Variants in MAP4K3 observed in about 807,000 individuals in gnomAD.
The protein encoded by MAP4K3 is mitogen-activated protein kinase kinase kinase kinase 3.
A neutral mutation model predicts 143.5 loss-of-function variants in MAP4K3; 94 were observed. That is an observed-to-expected ratio of 0.65 (90% CI 0.55 to 0.78). MAP4K3 has a LOEUF of 0.78. Ranked by LOEUF, MAP4K3 falls within the 30% of genes least tolerant of loss-of-function variation. The pLI, the probability that MAP4K3 is intolerant of heterozygous loss-of-function variation, is 0.00. For synonymous variants in MAP4K3, 416 were observed against 347.2 expected (o/e 1.20, Z -2.20); for missense variants, 1,077 against 1,068.1 (o/e 1.01, Z -0.12).
intron 1 of MAP4K3, among the ~76,000 whole-genome samples, chr2:39,391,292 G>C (rs1666648220): frequency 1.5e-5 from 2 of 129,214 alleles, no homozygotes; most frequent in Admixed American, 1.0e-4. Flanking sequence ...CCAGGCGGCA[G>C]AGCTTGCAGT....
intron 6 of MAP4K3, among the ~76,000 whole-genome samples, chr2:39,335,843 A>G (rs1432195497): frequency 6.6e-6 from 1 of 152,198 alleles, no homozygotes; most frequent in Non-Finnish European, 1.5e-5. Flanking sequence ...ATTTGAAGAC[A>G]TGCGCATAAG....
intron 21 of MAP4K3, among the ~76,000 whole-genome samples, chr2:39,284,506 C>T (rs1439976266): frequency 6.6e-6 from 1 of 152,030 alleles, no homozygotes; most frequent in Non-Finnish European, 1.5e-5. Context: ...TGTTATAACT[C>T]TCAGATTTAA....
Position 39,267,248 on chromosome 2 carries a change from C to G in MAP4K3, c.1974-1G>C. On this transcript the variant is annotated splice_acceptor_variant, in intron 26 of 33. Transcript: ENST00000263881. LOFTEE classifies it high-confidence loss of function. Reference sequence around the variant, plus strand: ...GATTTTTGCTGATACAGAAAATTTCCTAAATGTAAATAAAAGTGAGTACGT... The same window carrying G: ...GATTTTTGCTGATACAGAAAATTTCGTAAATGTAAATAAAAGTGAGTACGT... The G allele has an allele frequency of 6.2e-7, 1 of 1,613,136 alleles. No homozygotes were observed. The highest frequency in any genetic ancestry group is 1.1e-5 in the South Asian group (1 of 91,062).
chr2:39,408,553 A>C (rs1313654242), intron 1 of MAP4K3, among the ~76,000 whole-genome samples: 3 of 151,936 alleles, frequency 2.0e-5, no homozygotes, highest in Admixed American at 2.0e-4. Flanking sequence ...TTCCTGCTGG[A>C]GAAAACTATG....
chr2:39,415,980 A>AATATATATATATATATATATATATAT (rs1553318574), intron 1 of MAP4K3, among the ~76,000 whole-genome samples: 12 of 14,748 alleles, frequency 8.1e-4, no homozygotes, highest in Non-Finnish European at 1.0e-3. Flanking sequence ...AAAAAAAAAA[A>AATATATATATATATATATATATATAT]ATATATATAT....
intron 2 of MAP4K3, among the ~76,000 whole-genome samples, chr2:39,357,958 G>C (rs1665657391): frequency 6.6e-6 from 1 of 152,126 alleles, no homozygotes; most frequent in African/African-American, 2.4e-5. Flanking sequence ...CTCTTTCTGG[G>C]GGTAGCCCTG....
rs140886168 is a variant in MAP4K3 at position 39,329,721 on chromosome 2, G to T, written c.530+2196C>A. Among the ~76,000 whole-genome samples the T allele has an allele frequency of 8.2e-4, 125 of 152,302 alleles. 1 individual carries two copies. The Middle Eastern group carries it at 0.017, about 21-fold the overall frequency. ...CAAGAGACACCAGGAACCAAGGAGT[G>T]AAGAGGTTAAAGGGAGAGGACATGA... is the stretch of plus-strand genomic sequence containing the variant. On this transcript the variant is annotated intron_variant, in intron 8 of 33. Coordinates refer to ENST00000263881, the MANE Select transcript of MAP4K3 (RefSeq NM_003618.4).
chr2:39,273,225 A>C (rs1201271108), intron 24 of MAP4K3, among the ~76,000 whole-genome samples: 1 of 152,164 alleles, frequency 6.6e-6, no homozygotes, highest in African/African-American at 2.4e-5. Flanking sequence ...ACATTTCGTT[A>C]TGCGTATCAG....
chr2:39,408,323 C>T (rs1428114031), intron 1 of MAP4K3, among the ~76,000 whole-genome samples: 3 of 152,086 alleles, frequency 2.0e-5, no homozygotes, highest in African/African-American at 4.8e-5. Context: ...AAATAGTCTA[C>T]TTGACCCAAG....
chr2:39,278,321 C>A, intron 24 of MAP4K3, 86 bp downstream of exon 24: 1 of 711,444 alleles, frequency 1.4e-6, no homozygotes, highest in South Asian at 2.3e-5. Flanking sequence ...GGCAGCAAGT[C>A]ATGAAACTGA....
At chr2:39,337,605 T>A (rs764878800) in intron 4 of MAP4K3, 24 bp from the exon 5 acceptor site, 19 of 1,532,908 alleles carry the variant, frequency 1.2e-5, no homozygotes, top group Middle Eastern at 1.7e-4. Flanking sequence ...CAATTAATAC[T>A]CATAAAATTA....
rs189583199 is a variant in MAP4K3 at position 39,278,290 on chromosome 2, A to G, written c.1794+117T>C. The G allele has an allele frequency of 1.6e-4, 98 of 605,076 alleles. No homozygotes were observed. The African/African-American group carries it at 1.8e-3, about 11-fold the overall frequency. The allele number at this position is 605,076 out of a possible 1,614,324, so 37.5% of individuals were successfully genotyped here. ...TTGGTCTCAAAAAACAAAACAAAAC[A>G]AAACAAAAAAGAATAAAAGAGGCAG... On this transcript the variant is annotated intron_variant, in intron 24 of 33. Transcript: ENST00000263881.
Position 39,421,923 on chromosome 2 carries a change from T to C in MAP4K3, c.96+14969A>G, listed in dbSNP as rs145725999. Among the ~76,000 whole-genome samples the C allele has an allele frequency of 3.2e-3, 492 of 152,174 alleles. 5 individuals are homozygous for C. Among genetic ancestry groups the C allele is most frequent in the Non-Finnish European group, 5.1e-3 (345 of 68,010 alleles). ...CTTCTAAAAAGCCTTTATTTGGCCA[T>C]GGGCTGCAATTTTTCTGATCTTCTG... On this transcript the variant is annotated intron_variant, in intron 1 of 33. Coordinates refer to ENST00000263881, the MANE Select transcript of MAP4K3 (RefSeq NM_003618.4).
At chr2:39,410,800 T>C (rs1419703451) in intron 1 of MAP4K3, among the ~76,000 whole-genome samples, 5 of 152,180 alleles carry the variant, frequency 3.3e-5, no homozygotes, top group South Asian at 2.1e-4. Context: ...ATGCACAGAA[T>C]AGCCATTTTA....
At chr2:39,302,847 A>G (rs1038366831) in intron 15 of MAP4K3, among the ~76,000 whole-genome samples, 2 of 152,224 alleles carry the variant, frequency 1.3e-5, no homozygotes, top group Non-Finnish European at 2.9e-5. Context: ...TCCTAGCCCA[A>G]TTAAAATATC....
chr2:39,433,435 G>A (rs1170791421), intron 1 of MAP4K3, among the ~76,000 whole-genome samples: 1 of 152,098 alleles, frequency 6.6e-6, no homozygotes, highest in Non-Finnish European at 1.5e-5. Flanking sequence ...TAAAGGGTAG[G>A]AATAATAAAA....
chr2:39,422,546 A>T (rs1267321132), intron 1 of MAP4K3, among the ~76,000 whole-genome samples: 1 of 152,180 alleles, frequency 6.6e-6, no homozygotes, highest in Non-Finnish European at 1.5e-5. Flanking sequence ...TAAGCCACCT[A>T]GTCTGTGGTA....
chr2:39,346,799 T>C (rs6757429), intron 3 of MAP4K3, among the ~76,000 whole-genome samples: 11,792 of 152,198 alleles, frequency 0.077, 1,549 homozygotes, highest in African/African-American at 0.27. Flanking sequence ...AGACACTCTA[T>C]GCAGATTACT....
chr2:39,301,977 T>C (rs1682530724), intron 15 of MAP4K3, among the ~76,000 whole-genome samples: 1 of 151,596 alleles, frequency 6.6e-6, no homozygotes, highest in African/African-American at 2.4e-5. Flanking sequence ...TGAGCCAACA[T>C]TGCGCCACTA....
Sources: allele counts gnomAD v4.1 joint callset (sites outside exome capture counted in the v4.1 genomes callset), GRCh38; gene constraint gnomAD v4.1.1; transcripts MANE v1.5; gene names NCBI Gene and HGNC (gene_info 2026-07-23, HGNC 2026-07-21).